Variants in CNTN6 observed in about 807,000 individuals in gnomAD.
CNTN6 encodes contactin 6, also known as contactin-6.
A neutral mutation model predicts 122.8 loss-of-function variants in CNTN6; 137 were observed. That is an observed-to-expected ratio of 1.12 (90% confidence interval 0.97 to 1.29). The LOEUF is 1.29. CNTN6 is among the 50% of genes most tolerant of loss of function. The pLI, the probability that CNTN6 is intolerant of heterozygous loss-of-function variation, is 0.00. For synonymous variants in CNTN6, 570 were observed against 426.0 expected, an observed-to-expected ratio of 1.34 and a Z score of -4.16; for missense variants, 1,634 against 1,223.4, an observed-to-expected ratio of 1.34 and a Z score of -5.01.
chr3:1,246,741 C>T (rs949830217), intron 4 of CNTN6, among the ~76,000 whole-genome samples: 1 of 152,018 alleles, frequency 6.6e-6, no homozygotes, highest in African/African-American at 2.4e-5. Context: ...AAAAGTATCT[C>T]ATTTTGGTTT....
intron 4 of CNTN6, among the ~76,000 whole-genome samples, chr3:1,253,881 C>T (rs2094710622): frequency 1.3e-5 from 2 of 152,130 alleles, no homozygotes; most frequent in Admixed American, 6.6e-5. Flanking sequence ...TAATCTCAGT[C>T]TTTGTCTCTC....
intron 2 of CNTN6, among the ~76,000 whole-genome samples, chr3:1,153,022 T>C (rs917220342): frequency 1.3e-5 from 2 of 152,262 alleles, no homozygotes; most frequent in Admixed American, 6.5e-5. Context: ...TTTAACTAAG[T>C]ACTACTATTT....
At chr3:1,332,761 G>C (rs906418518) in intron 11 of CNTN6, among the ~76,000 whole-genome samples, 3 of 152,042 alleles carry the variant, frequency 2.0e-5, no homozygotes, top group Non-Finnish European at 4.4e-5. Context: ...AGGAGAGAAA[G>C]TCAAATGGTT....
At position 1,315,725 on chromosome 3, in the gene CNTN6, A is replaced by G. The variant is rs57945437; in HGVS notation, c.762-5925A>G. Among the ~76,000 whole-genome samples the G allele has an allele frequency of 4.4e-3, 674 of 151,988 alleles. 4 individuals carry two copies. Among genetic ancestry groups the G allele is most frequent in the African/African-American group, 0.016 (647 of 41,490 alleles). ...TAGATGATTAACCACGTTAAAGAAA[A>G]AGGTCCTCCACACCCACACATCCAT... On this transcript the variant is annotated intron_variant, in intron 7 of 22. Coordinates refer to ENST00000446702, the MANE Select transcript of CNTN6 (RefSeq NM_001289080.2).
Position 1,403,355 on chromosome 3 carries a change from C to A in CNTN6, c.3024C>A (p.Ser1008Arg). ...SSRGIQFLEP[S>R]THFLSIVIVI... is the part of the protein sequence containing the mutation. ...GAGGAATTCAATTCTTAGAACCTAG[C>A]ACCCATTTTCTTTCCATTGTCATTG... Residue 1008 changes from serine (S) to arginine (R), a missense_variant, in exon 23 of 23, where the codon AGC becomes AGA. Ser to Arg is a moderately radical substitution (Grantham distance 110). Coordinates refer to ENST00000446702, the MANE Select transcript of CNTN6 (RefSeq NM_001289080.2). The A allele has an allele frequency of 6.2e-7, 1 of 1,611,084 alleles. No homozygotes were observed. Among genetic ancestry groups the A allele is most frequent in the Non-Finnish European group, 8.5e-7 (1 of 1,178,444 alleles).
chr3:1,300,642 C>A (rs1031952946), intron 7 of CNTN6, among the ~76,000 whole-genome samples: 1 of 151,912 alleles, frequency 6.6e-6, no homozygotes, highest in Non-Finnish European at 1.5e-5. Flanking sequence ...ATAACATGAT[C>A]AATATAGTCT....
Position 1,331,358 on chromosome 3 carries a change from G to T in CNTN6, c.1364+1423G>T, listed in dbSNP as rs958119973. ...GTGGAATAAATGAATGAATCAAAAA[G>T]GGTGAACATGTAAAGCGTTACCAGC... On this transcript the variant is annotated intron_variant, in intron 11 of 22. Transcript: ENST00000446702. Among the ~76,000 whole-genome samples the T allele has an allele frequency of 6.6e-5, 10 of 152,064 alleles. No individual in the cohort carries two copies. The East Asian group carries it at 1.9e-3, about 29-fold the overall frequency.
At chr3:1,287,102 A>T (rs1694477197) in intron 5 of CNTN6, among the ~76,000 whole-genome samples, 1 of 152,006 alleles carries the variant, frequency 6.6e-6, no homozygotes, top group African/African-American at 2.4e-5. Flanking sequence ...AGAAACTTAG[A>T]CTCCCACACA....
rs202221177 is a variant in CNTN6, at chr3:1,352,456, C to G, written c.1492+5C>G. Reference sequence around the variant, plus strand: ...CTGGCAGCCTCATTGTAAAAGGTATCATATTATCTTCATTTGTGCTTGATG... The same window carrying G: ...CTGGCAGCCTCATTGTAAAAGGTATGATATTATCTTCATTTGTGCTTGATG... On this transcript the variant is annotated splice_donor_5th_base_variant and intron_variant, in intron 12 of 22. Coordinates refer to ENST00000446702, the MANE Select transcript of CNTN6 (RefSeq NM_001289080.2). The G allele has an allele frequency of 5.0e-6, 8 of 1,609,320 alleles. No individual in the cohort carries two copies. In the East Asian group the frequency reaches 9.0e-5, roughly 18 times the overall value.
At chr3:1,373,421 T>G (rs1709381090) in intron 14 of CNTN6, among the ~76,000 whole-genome samples, 183 bp from the exon 15 acceptor site, 1 of 152,154 alleles carries the variant, frequency 6.6e-6, no homozygotes, top group African/African-American at 2.4e-5. Flanking sequence ...GAAGCACTAC[T>G]ACATTAATGT....
intron 12 of CNTN6, among the ~76,000 whole-genome samples, chr3:1,367,718 C>T (rs996704430): frequency 2.0e-5 from 3 of 152,098 alleles, no homozygotes; most frequent in African/African-American, 7.2e-5. Flanking sequence ...TGCAGGTGTG[C>T]ACATGCTTGC....
intron 4 of CNTN6, among the ~76,000 whole-genome samples, chr3:1,264,729 CT>C (rs1303658981): frequency 6.6e-6 from 1 of 151,926 alleles, no homozygotes; most frequent in Non-Finnish European, 1.5e-5. Context: ...TTAAAATCTA[CT>C]CTTCTAGAAA....
intron 4 of CNTN6, among the ~76,000 whole-genome samples, chr3:1,273,583 A>G (rs191759646): frequency 2.0e-5 from 3 of 152,298 alleles, no homozygotes; most frequent in Non-Finnish European, 4.4e-5. Context: ...TCCACATGAG[A>G]TGGTACATAG....
At chr3:1,189,044 AAAC>A in intron 2 of CNTN6, among the ~76,000 whole-genome samples, 1 of 149,196 alleles carries the variant, frequency 6.7e-6, no homozygotes. Flanking sequence ...TTGCTGATAA[AAAC>A]AAAACAAAAC....
intron 2 of CNTN6, among the ~76,000 whole-genome samples, chr3:1,169,005 G>A (rs974177476): frequency 1.3e-5 from 2 of 152,160 alleles, no homozygotes; most frequent in African/African-American, 4.8e-5. Context: ...GCAAGGGAAA[G>A]CCAAAGTCAC....
At chr3:1,348,097 A>G (rs942812024) in intron 11 of CNTN6, among the ~76,000 whole-genome samples, 10 of 147,088 alleles carry the variant, frequency 6.8e-5, no homozygotes, top group African/African-American at 2.5e-4. Flanking sequence ...TGAACGATTT[A>G]TATCAATTAA....
intron 1 of CNTN6, among the ~76,000 whole-genome samples, chr3:1,114,674 G>A (rs1266814411): frequency 6.6e-6 from 1 of 152,132 alleles, no homozygotes; most frequent in African/African-American, 2.4e-5. Context: ...TATTGATGAT[G>A]GTCAAGGAAG....
chr3:1,390,500 A>C (rs1279680466), intron 20 of CNTN6, among the ~76,000 whole-genome samples: 1 of 152,014 alleles, frequency 6.6e-6, no homozygotes, highest in Non-Finnish European at 1.5e-5. Context: ...AATTAAAAGA[A>C]CTAGAAAAGC....
chr3:1,169,608 G>C (rs1038555343), intron 2 of CNTN6, among the ~76,000 whole-genome samples: 1 of 152,152 alleles, frequency 6.6e-6, no homozygotes, highest in Non-Finnish European at 1.5e-5. Flanking sequence ...CCAAGTAGTA[G>C]AGTTTCAGCA....
Sources: gnomAD v4.1 joint callset for allele counts (sites outside exome capture counted in the v4.1 genomes callset) on GRCh38, gnomAD v4.1.1 for gene constraint, MANE v1.5 for transcripts, NCBI Gene and HGNC (gene_info 2026-07-23, HGNC 2026-07-21) for gene names.